The following METTL9 variants were observed in gnomAD, a reference collection of about 807,000 sequenced individuals.
The protein encoded by METTL9 is protein-L-histidine N-pros-methyltransferase.
Under a neutral mutation model 36.0 loss-of-function variants are expected in METTL9, and 10 were observed. The ratio of observed to expected loss-of-function variants is 0.28; its 90% CI spans 0.17 to 0.47. The LOEUF is 0.47. Ranked by LOEUF, METTL9 falls within the 20% of genes least tolerant of loss-of-function variation. METTL9 has a pLI of 0.99. For missense variants in METTL9, 246 were observed against 383.5 expected (o/e 0.64, Z 3.00); for synonymous variants, 175 against 149.7 (o/e 1.17, Z -1.23).
At chr16:21,626,186 G>A (rs987551453) in intron 4 of METTL9, among the ~76,000 whole-genome samples, 10 of 152,136 alleles carry the variant, frequency 6.6e-5, no homozygotes, top group East Asian at 1.9e-4. Flanking sequence ...TTACAGGTGC[G>A]AGCCACCATC....
At chr16:21,639,925 TTTTATTTATTTATTTA>T (rs113376697) in intron 4 of METTL9, 2 of 151,252 alleles carry the variant, frequency 1.3e-5, no homozygotes. Flanking sequence ...AAACACTTTA[TTTTATTTATTTATTTA>T]TTTATTTATT....
chr16:21,615,014 C>T (rs1201294195), intron 2 of METTL9, among the ~76,000 whole-genome samples: 1 of 152,166 alleles, frequency 6.6e-6, no homozygotes, highest in Non-Finnish European at 1.5e-5. Context: ...TGGCCTTGCC[C>T]ACTAAATGGC....
intron 4 of METTL9, among the ~76,000 whole-genome samples, chr16:21,631,595 C>G (rs546669938): frequency 1.8e-4 from 27 of 152,250 alleles, no homozygotes; most frequent in African/African-American, 6.0e-4. Flanking sequence ...CTTAATCGCC[C>G]GGGAGGAACC....
intron 4 of METTL9, among the ~76,000 whole-genome samples, chr16:21,631,924 C>G (rs755982879): frequency 1.3e-5 from 2 of 152,018 alleles, no homozygotes; most frequent in South Asian, 2.1e-4. Context: ...TTGACTTTTT[C>G]TTTGTCTCTC....
intron 4 of METTL9, 124 bp from the exon 5 acceptor site, chr16:21,655,103 G>A (rs1567351781): frequency 2.6e-6 from 2 of 768,518 alleles, no homozygotes; most frequent in Non-Finnish European, 4.2e-6. Flanking sequence ...TACAAAAGAG[G>A]TAACTCATGA....
In METTL9 at chr16:21,657,114, A is replaced by C. The variant is rs1016621957; in HGVS notation, c.*1682A>C. The C allele has an allele frequency of 6.6e-6, 1 of 152,096 alleles. No individual in the cohort carries two copies. The allele number at this position is 152,096 out of a possible 1,614,324, so 9.4% of individuals were successfully genotyped here. A position where few individuals can be genotyped will look rare whatever the true frequency, so the allele number is the denominator to read the frequency against. ...ATGTTCAAGGAGGCAGGTTGCCCCA[A>C]AGTGTTTTCTAACTTTCAAGTAGAG... On this transcript the variant is annotated 3_prime_UTR_variant, in exon 5 of 5. Coordinates refer to ENST00000358154, the MANE Select transcript of METTL9 (RefSeq NM_016025.5).
At chr16:21,627,233 A>T in intron 4 of METTL9, 1 of 985,434 alleles carries the variant, frequency 1.0e-6, no homozygotes, top group Non-Finnish European at 1.2e-6. Flanking sequence ...TTTGCTGTGT[A>T]GATTCATGAA....
At chr16:21,628,497 CTTTT>C (rs1459152107) in intron 4 of METTL9, among the ~76,000 whole-genome samples, 1 of 151,804 alleles carries the variant, frequency 6.6e-6, no homozygotes, top group African/African-American at 2.4e-5. Context: ...TTCTTTCTTT[CTTTT>C]TCTTTCTTTT....
intron 4 of METTL9, among the ~76,000 whole-genome samples, chr16:21,630,510 C>T (rs1184442150): frequency 2.0e-5 from 3 of 152,218 alleles, no homozygotes; most frequent in African/African-American, 4.8e-5. Context: ...ACCTCTCAAT[C>T]CCCCGTCTAA....
upstream of METTL9, among the ~76,000 whole-genome samples, chr16:21,599,259 A>C (rs1487545761): frequency 6.6e-6 from 1 of 152,186 alleles, no homozygotes; most frequent in Non-Finnish European, 1.5e-5. The surrounding 1 kb of genome is among the most constrained non-coding windows in gnomAD (Gnocchi z 4.4). Flanking sequence ...AGGTCCTTCC[A>C]GCACCACCTT....
rs571721102 is a variant in METTL9 at position 21,643,181 on chromosome 16, T to A, written c.752-12046T>A. On this transcript the variant is annotated intron_variant, in intron 4 of 4. Transcript: ENST00000358154. ...TATAAAGACAAATGAGAAAAAAAAA[T>A]TCTCTTTTGGGAATATAAGCGATGA... 9.5e-5 allele frequency: 146 copies of A among 1,533,830 alleles called. 1 individual carries two copies. In the South Asian group the frequency reaches 1.6e-3, roughly 17 times the overall value.
At position 21,636,884 on chromosome 16, in the gene METTL9, C is replaced by T. The variant is rs1036105132; in HGVS notation, c.751+11769C>T. ...GTGAAAAGGGTCCGATGGTACTTAC[C>T]GCTTGGCGATAGGCGATAGTCTCAC... On this transcript the variant is annotated intron_variant, in intron 4 of 4. Transcript: ENST00000358154. 7.9e-5 allele frequency among the ~76,000 whole-genome samples: 12 copies of T among 152,098 alleles called. 1 individual carries two copies. The highest frequency in any genetic ancestry group is 4.1e-4 in the South Asian group (2 of 4,824).
At chr16:21,600,618 C>T (rs1965097827) in intron 1 of METTL9, among the ~76,000 whole-genome samples, 2 of 152,040 alleles carry the variant, frequency 1.3e-5, no homozygotes, top group Admixed American at 6.6e-5. Context: ...CAGAACGGGA[C>T]GGGAGGGAGT....
chr16:21,632,748 G>A (rs1226078707), intron 4 of METTL9, among the ~76,000 whole-genome samples: 2 of 152,178 alleles, frequency 1.3e-5, no homozygotes, highest in Non-Finnish European at 2.9e-5. Flanking sequence ...GATAGCCTCT[G>A]ACACTAAGAT....
At chr16:21,641,661 A>C in intron 4 of METTL9, 1 of 963,078 alleles carries the variant, frequency 1.0e-6, no homozygotes, top group Non-Finnish European at 1.6e-6. Flanking sequence ...CTGCCAAGGA[A>C]CATGCAAACC....
rs541282506 is a variant in METTL9 at position 21,622,141 on chromosome 16, CTTTTTT to C, written c.567-2774_567-2769del. ...ATAGGTGTGAGCCACCATGCCTGGCCTTTTTTTTTTTTTTTTTTTTTGAGACAGGAT... is the reference window on the plus strand; with the variant it reads ...ATAGGTGTGAGCCACCATGCCTGGCCTTTTTTTTTTTTTTTGAGACAGGAT... On this transcript the variant is annotated intron_variant, in intron 3 of 4. Transcript: ENST00000358154. Among the ~76,000 whole-genome samples the C allele has an allele frequency of 2.9e-3, 100 of 34,930 alleles. 11 individuals carry two copies. The highest frequency in any genetic ancestry group is 0.017 in the African/African-American group (95 of 5,650). The allele number at this position is 34,930 out of a possible 152,430, so 22.9% of individuals were successfully genotyped here.
At chr16:21,631,137 T>A (rs1339071917) in intron 4 of METTL9, among the ~76,000 whole-genome samples, 4 of 152,122 alleles carry the variant, frequency 2.6e-5, no homozygotes, top group African/African-American at 9.7e-5. Flanking sequence ...TGATAGTGTG[T>A]AATAGTAGGA....
At chr16:21,627,031 G>A (rs1965830879) in intron 4 of METTL9, 3 of 985,326 alleles carry the variant, frequency 3.0e-6, no homozygotes, top group South Asian at 9.4e-5. Context: ...TGCCTGTTGA[G>A]TCTGAGGAGT....
chr16:21,652,505 G>A (rs761165783), intron 4 of METTL9: 2 of 1,569,028 alleles, frequency 1.3e-6, no homozygotes, highest in Non-Finnish European at 1.7e-6. Context: ...TAAATAAAAT[G>A]AAGGAGGAGA....
Sources: allele counts gnomAD v4.1 joint callset (sites outside exome capture counted in the v4.1 genomes callset), GRCh38; gene constraint gnomAD v4.1.1; non-coding constraint Gnocchi (gnomAD v3.1); transcripts MANE v1.5; gene names NCBI Gene and HGNC (gene_info 2026-07-23, HGNC 2026-07-21).